CUBN: variants seen among roughly 807,000 people sequenced by gnomAD.
CUBN encodes cubilin.
CUBN carries 282 observed loss-of-function variants against 405.3 expected under a neutral mutation model. The observed-to-expected ratio is 0.70, with a 90% CI of 0.63 to 0.77. The LOEUF (loss-of-function observed/expected upper bound fraction) is 0.77, where lower values mean the gene tolerates loss of function less well. Ranked by LOEUF, CUBN falls within the 30% of genes least tolerant of loss-of-function variation. The pLI is 0.00. For missense variants in CUBN, 4,514 were observed against 4,475.2 expected (o/e 1.01, Z -0.25); for synonymous variants, 1,684 against 1,617.0 (o/e 1.04, Z -0.99).
chr10:17,030,126 G>A (rs962454003), intron 27 of CUBN, among the ~76,000 whole-genome samples: 5 of 152,186 alleles, frequency 3.3e-5, no homozygotes, highest in African/African-American at 1.2e-4. Context: ...TCACCCCCCA[G>A]TGGTACTGTC....
chr10:16,975,409 C>G (rs1833061658), intron 31 of CUBN, among the ~76,000 whole-genome samples: 1 of 152,184 alleles, frequency 6.6e-6, no homozygotes, highest in Non-Finnish European at 1.5e-5. Context: ...CTCATGACCA[C>G]AAGAGGGAAA....
chr10:17,026,778 G>A (rs997252790), intron 27 of CUBN, among the ~76,000 whole-genome samples: 3 of 152,252 alleles, frequency 2.0e-5, no homozygotes, highest in African/African-American at 7.2e-5. Flanking sequence ...GATAAGCAGA[G>A]CATGGTTGAT....
At position 16,841,066 on chromosome 10, in the gene CUBN, C is replaced by A; in HGVS notation, c.9664-19G>T. Reference sequence around the variant, plus strand: ...CATATAACTGAGAAGAAAAACAATTCATTACTTCTCCATTACTTACAAAAA... The same window carrying A: ...CATATAACTGAGAAGAAAAACAATTAATTACTTCTCCATTACTTACAAAAA... On this transcript the variant is annotated intron_variant, in intron 60 of 66. Coordinates refer to ENST00000377833, the MANE Select transcript of CUBN (RefSeq NM_001081.4). The A allele has an allele frequency of 1.2e-6, 2 of 1,612,428 alleles. No homozygotes were observed. The highest frequency in any genetic ancestry group is 8.5e-7 in the Non-Finnish European group (1 of 1,178,764).
intron 46 of CUBN, among the ~76,000 whole-genome samples, chr10:16,915,583 C>T (rs1264237735): frequency 5.9e-5 from 9 of 152,136 alleles, no homozygotes; most frequent in Non-Finnish European, 1.3e-4. Flanking sequence ...TTCCCACTAC[C>T]GTTGCTCTCC....
At chr10:17,084,518 G>A (rs1235690809) in intron 16 of CUBN, 57 bp from the exon 17 acceptor site, 2 of 1,468,340 alleles carry the variant, frequency 1.4e-6, no homozygotes, top group Admixed American at 3.7e-5. Context: ...TGGCTTGCAG[G>A]CATTGGATCC....
At chr10:16,828,550 TCTA>T (rs1166475371) in intron 66 of CUBN, among the ~76,000 whole-genome samples, 1 of 152,050 alleles carries the variant, frequency 6.6e-6, no homozygotes, top group Non-Finnish European at 1.5e-5. Context: ...AAACCCTGTT[TCTA>T]CTAAAAGTAC....
intron 31 of CUBN, among the ~76,000 whole-genome samples, chr10:16,972,144 C>T (rs1832954546): frequency 6.6e-6 from 1 of 152,114 alleles, no homozygotes; most frequent in Admixed American, 6.5e-5. Context: ...CTCAGCGCAC[C>T]TCCTCAGCCT....
At chr10:16,931,521 T>G (rs558327980) in intron 40 of CUBN, among the ~76,000 whole-genome samples, 1 of 152,342 alleles carries the variant, frequency 6.6e-6, no homozygotes, top group African/African-American at 2.4e-5. Context: ...TCTTTAGCTC[T>G]TTCAAGCCGC....
At chr10:16,950,792 G>C (rs929508885) in intron 33 of CUBN, among the ~76,000 whole-genome samples, 2 of 152,206 alleles carry the variant, frequency 1.3e-5, no homozygotes, top group South Asian at 4.1e-4. Flanking sequence ...GTTGGAAAAT[G>C]CCGTCTTTCC....
intron 15 of CUBN, among the ~76,000 whole-genome samples, chr10:17,087,539 G>A (rs957065207): frequency 4.3e-5 from 6 of 138,076 alleles, no homozygotes; most frequent in Middle Eastern, 4.3e-3. Context: ...GCAGTGGCAC[G>A]ATCTCAGCTC....
chr10:16,896,539 T>C (rs12761760), intron 54 of CUBN, among the ~76,000 whole-genome samples: 154 of 152,352 alleles, frequency 1.0e-3, no homozygotes, highest in Non-Finnish European at 1.8e-3. Flanking sequence ...TTATTCTAAC[T>C]GGTCTTCCTC....
intron 32 of CUBN, 148 bp from the exon 33 acceptor site, chr10:16,952,537 T>G: frequency 1.5e-6 from 1 of 651,030 alleles, no homozygotes; most frequent in Non-Finnish European, 2.8e-6. Flanking sequence ...AGGAGAGCTG[T>G]ACATAAACCA....
In CUBN at chr10:17,114,265, C is replaced by T. The variant is rs571717392; in HGVS notation, c.721-76G>A. 16 of 1,434,512 alleles carry T rather than the reference C, an allele frequency of 1.1e-5. No individual in the cohort carries two copies. In the East Asian group the frequency reaches 3.3e-4, roughly 29 times the overall value. 88.9% of individuals were successfully genotyped at this position (1,434,512 alleles called of 1,614,324 possible). A position where few individuals can be genotyped will look rare whatever the true frequency, so the allele number is the denominator to read the frequency against. On this transcript the variant is annotated intron_variant, in intron 7 of 66. Coordinates refer to ENST00000377833, the MANE Select transcript of CUBN (RefSeq NM_001081.4). ...AAAAGCCTTTGAACATTTCATCAAG[C>T]CCCTAACTGTTTATCCTCTAACGTT... is the stretch of plus-strand genomic sequence containing the variant.
At chr10:17,011,722 A>ATT (rs922770304) in intron 28 of CUBN, among the ~76,000 whole-genome samples, 6 of 152,188 alleles carry the variant, frequency 3.9e-5, no homozygotes, top group African/African-American at 1.4e-4. Context: ...AGATTGGTCC[A>ATT]TTTTTACAGA....
Position 16,990,387 on chromosome 10 carries a change from T to G in CUBN, c.4297A>C (p.Ile1433Leu), listed in dbSNP as rs1833547222. ...TDPGSSIQLT[I>L]HDFDVEYHSR... ...TGATACTCCACATCGAAGTCATGGA[T>G]GGTGAGCTGAATGCTACTCCCGGGG... The change falls in exon 29 of 67, where the codon ATC becomes CTC. Residue 1433 changes from isoleucine (I) to leucine (L), a missense_variant. Around this residue, in one of 5 missense-constraint regions of CUBN, gnomAD observed 1,613 missense variants for 1,542.8 expected, o/e 1.05. Transcript: ENST00000377833. 6.2e-7 allele frequency: 1 copy of G among 1,614,064 alleles called. No individual in the cohort carries two copies. Among genetic ancestry groups the G allele is most frequent in the South Asian group, 1.1e-5 (1 of 91,082 alleles).
intron 14 of CUBN, among the ~76,000 whole-genome samples, chr10:17,095,041 T>C (rs775099484): frequency 3.3e-5 from 5 of 152,020 alleles, no homozygotes; most frequent in Admixed American, 1.3e-4. Flanking sequence ...CAGTATGGTA[T>C]TGGCATTAAA....
intron 59 of CUBN, among the ~76,000 whole-genome samples, 190 bp from the exon 60 acceptor site, chr10:16,851,633 G>A (rs368954738): frequency 1.8e-3 from 90 of 51,392 alleles, no homozygotes; most frequent in Non-Finnish European, 2.4e-3. Flanking sequence ...CCCCCCACCC[G>A]CCCCATCTCT....
intron 27 of CUBN, among the ~76,000 whole-genome samples, chr10:17,023,197 G>A (rs904460297): frequency 9.9e-5 from 13 of 130,696 alleles, no homozygotes; most frequent in African/African-American, 3.5e-4. Context: ...AAAGTACTGG[G>A]TGGGGGTGGA....
intron 60 of CUBN, among the ~76,000 whole-genome samples, chr10:16,846,818 A>AT (rs1839526058): frequency 8.7e-6 from 1 of 115,306 alleles, no homozygotes; most frequent in Non-Finnish European, 2.2e-5. Context: ...GTCTCAAAAA[A>AT]AAAAAAAGAA....
Sources: allele counts gnomAD v4.1 joint callset (sites outside exome capture counted in the v4.1 genomes callset), GRCh38; gene constraint gnomAD v4.1.1; regional missense constraint gnomAD v4.1.1; transcripts MANE v1.5; gene names NCBI Gene and HGNC (gene_info 2026-07-23, HGNC 2026-07-21).